Variants in CLEC11A observed in about 807,000 individuals in gnomAD.
The protein encoded by CLEC11A is C-type lectin domain containing 11A, also known as C-type lectin domain family 11 member A.
Under a neutral mutation model 33.9 loss-of-function variants are expected in CLEC11A, and 35 were observed. That is an observed-to-expected ratio of 1.03 (90% CI 0.79 to 1.37). CLEC11A has a LOEUF of 1.37. Ranked by LOEUF, CLEC11A falls within the 40% of genes most tolerant of loss-of-function variation. The pLI, the probability that CLEC11A is intolerant of heterozygous loss-of-function variation, is 0.00. For synonymous variants in CLEC11A, 220 were observed against 202.2 expected, an observed-to-expected ratio of 1.09 and a Z score of -0.75; for missense variants, 519 against 455.5, an observed-to-expected ratio of 1.14 and a Z score of -1.27.
Position 50,724,829 on chromosome 19 carries a change from C to A in CLEC11A, c.527-193C>A, listed in dbSNP as rs1352978451. On this transcript the variant is annotated intron_variant, in intron 3 of 3. Transcript: ENST00000250340. The surrounding 1 kb of genome is among the most constrained non-coding windows in gnomAD (Gnocchi z 4.1). ...ACCACGCCCCCTACAGTCCAGCTCCCACCGCCTGGCCCCGCCCCTGGCGGA... is the reference window on the plus strand; with the variant it reads ...ACCACGCCCCCTACAGTCCAGCTCCAACCGCCTGGCCCCGCCCCTGGCGGA... 7.3e-7 allele frequency: 1 copy of A among 1,370,278 alleles called. No individual in the cohort carries two copies. Among genetic ancestry groups the A allele is most frequent in the African/African-American group, 1.5e-5 (1 of 65,042 alleles). 84.9% of individuals were successfully genotyped at this position (1,370,278 alleles called of 1,614,324 possible). A position where few individuals can be genotyped will look rare whatever the true frequency, so the allele number is the denominator to read the frequency against.
rs749269383 is a variant in CLEC11A, at chr19:50,724,404, C to A, written c.335-6C>A. ...CCCCTCCAGCATGATCCCTGTCTGT[C>A]CGCAGTGGGCCGCCTGGCCGGCCTG... is the stretch of plus-strand genomic sequence containing the variant. On this transcript the variant is annotated splice_polypyrimidine_tract_variant and splice_region_variant and intron_variant, in intron 2 of 3. Transcript: ENST00000250340. The surrounding 1 kb of genome is among the most constrained non-coding windows in gnomAD (Gnocchi z 4.1). 1 of 1,498,468 alleles carries A rather than the reference C, an allele frequency of 6.7e-7. No homozygotes were observed. The highest frequency in any genetic ancestry group is 8.8e-7 in the Non-Finnish European group (1 of 1,131,506). 92.8% of individuals were successfully genotyped at this position (1,498,468 alleles called of 1,614,324 possible). A position where few individuals can be genotyped will look rare whatever the true frequency, so the allele number is the denominator to read the frequency against.
rs531164070 is a variant in CLEC11A at position 50,724,977 on chromosome 19, T to G, written c.527-45T>G. 13 of 1,423,020 alleles carry G rather than the reference T, an allele frequency of 9.1e-6. No homozygotes were observed. The African/African-American group carries it at 1.7e-4, about 19-fold the overall frequency. The allele number at this position is 1,423,020 out of a possible 1,614,324, so 88.1% of individuals were successfully genotyped here. A position where few individuals can be genotyped will look rare whatever the true frequency, so the allele number is the denominator to read the frequency against. The stretch of plus-strand genomic sequence containing the variant: ...TTTGTCCTCGCCCCCTTCCAGACTC[T>G]GAATGCATGACCCCGCCTCCTTCTC... On this transcript the variant is annotated intron_variant, in intron 3 of 3. Transcript: ENST00000250340. This position sits in a 1 kb window ranked among gnomAD's most constrained non-coding sequence, Gnocchi z 4.1.
At position 50,723,602 on chromosome 19, in the gene CLEC11A, A is replaced by G; in HGVS notation, c.77A>G (p.Glu26Gly). 1 of 1,611,340 alleles carries G rather than the reference A, an allele frequency of 6.2e-7. No individual in the cohort carries two copies. The highest frequency in any genetic ancestry group is 8.5e-7 in the Non-Finnish European group (1 of 1,179,602). Residue 26 changes from glutamate (E) to glycine (G), a missense_variant, in exon 1 of 4, where the codon GAG becomes GGG. Transcript: ENST00000250340. The surrounding 1 kb of genome is among the most constrained non-coding windows in gnomAD (Gnocchi z 4.1). The part of the protein sequence containing the change: ...LGFGHGARGA[E>G]REWEGGWGGA... ...TTTGGCCATGGGGCTCGGGGAGCAG[A>G]GAGGGAGTGGGAGGGAGGCTGGGGA...
rs773438732 is a variant in CLEC11A, at chr19:50,723,585, T to C, written c.60T>C (p.His20=). The C allele has an allele frequency of 6.2e-6, 10 of 1,611,850 alleles. No individual in the cohort carries two copies. Among genetic ancestry groups the C allele is most frequent in the Middle Eastern group, 2.1e-4 (1 of 4,734 alleles). ...TCCCCCAGCTCTTGGGCTTTGGCCA[T>C]GGGGCTCGGGGAGCAGAGAGGGAGT... ...LVVPQLLGFG[H]GARGAEREWE... The change falls in exon 1 of 4, where the codon CAT becomes CAC. Residue 20 remains histidine, a synonymous_variant. Coordinates refer to ENST00000250340, the MANE Select transcript of CLEC11A (RefSeq NM_002975.3). The surrounding 1 kb of genome is among the most constrained non-coding windows in gnomAD (Gnocchi z 4.1).
Position 50,724,421 on chromosome 19 carries a change from G to C in CLEC11A, c.346G>C (p.Ala116Pro), listed in dbSNP as rs759050864. The change falls in exon 3 of 4, where the codon GCC becomes CCC. Residue 116 changes from alanine (A) to proline (P), a missense_variant. Ala to Pro is a conservative substitution (Grantham distance 27). Coordinates refer to ENST00000250340, the MANE Select transcript of CLEC11A (RefSeq NM_002975.3). The surrounding 1 kb of genome is among the most constrained non-coding windows in gnomAD (Gnocchi z 4.1). ...CTGTCTGTCCGCAGTGGGCCGCCTG[G>C]CCGGCCTGGACGCAGGCCTGCACCA... ...DIVTYILGRL[A>P]GLDAGLHQLH... 43 of 1,513,410 alleles carry C rather than the reference G, an allele frequency of 2.8e-5. No homozygotes were observed. The highest frequency in any genetic ancestry group is 3.7e-5 in the Non-Finnish European group (42 of 1,138,290). 93.7% of individuals were successfully genotyped at this position (1,513,410 alleles called of 1,614,324 possible).
Position 50,725,405 on chromosome 19 carries a change from G to C in CLEC11A, c.910G>C (p.Gly304Arg), listed in dbSNP as rs1022686428. Residue 304 changes from glycine to arginine, a missense_variant, in exon 4 of 4, where the codon GGC (glycine) becomes CGC (arginine). Coordinates refer to ENST00000250340, the MANE Select transcript of CLEC11A (RefSeq NM_002975.3). ...CTGCGTGGCGCAGGCCTCTGACGAC[G>C]GCTCCTGGTGGGACCACGACTGCCA... The part of the protein sequence containing the change: ...ENCVAQASDD[G>R]SWWDHDCQRR... 1 of 1,611,536 alleles carries C rather than the reference G, an allele frequency of 6.2e-7. No homozygotes were observed. The highest frequency in any genetic ancestry group is 1.1e-5 in the South Asian group (1 of 90,832).
chr19:50,724,233 G>A lies in CLEC11A; in HGVS notation c.334+142G>A. 7.1e-7 allele frequency: 1 copy of A among 1,415,988 alleles called. No individual in the cohort carries two copies. Among genetic ancestry groups the A allele is most frequent in the East Asian group, 2.3e-5 (1 of 42,558 alleles). The allele number at this position is 1,415,988 out of a possible 1,614,324, so 87.7% of individuals were successfully genotyped here. On this transcript the variant is annotated intron_variant, in intron 2 of 3. Coordinates refer to ENST00000250340, the MANE Select transcript of CLEC11A (RefSeq NM_002975.3). The surrounding 1 kb of genome is among the most constrained non-coding windows in gnomAD (Gnocchi z 4.1). ...GCCCCCACACCCCTAGGAGCCCCAG[G>A]TCCACGGCCATGCCTCCTAAAGGCC... is the stretch of plus-strand genomic sequence containing the variant.
In CLEC11A at chr19:50,724,103, GAAGCCC is replaced by G. The variant is rs773173758; in HGVS notation, c.334+13_334+18del. The G allele has an allele frequency of 1.2e-6, 2 of 1,610,122 alleles. No homozygotes were observed. The highest frequency in any genetic ancestry group is 8.5e-7 in the Non-Finnish European group (1 of 1,178,516). On this transcript the variant is annotated intron_variant, in intron 2 of 3. Coordinates refer to ENST00000250340, the MANE Select transcript of CLEC11A (RefSeq NM_002975.3). This position sits in a 1 kb window ranked among gnomAD's most constrained non-coding sequence, Gnocchi z 4.1. ...CGTCACTTACATCCGTGAGTAACCA[GAAGCCC>G]TCACCCCCAAACTCCTAGGCCGCCG...
chr19:50,724,047 G>T lies in CLEC11A; in HGVS notation c.290G>T (p.Gly97Val). 1 of 1,612,414 alleles carries T rather than the reference G, an allele frequency of 6.2e-7. No individual in the cohort carries two copies. The highest frequency in any genetic ancestry group is 8.5e-7 in the Non-Finnish European group (1 of 1,178,652). Residue 97 changes from glycine to valine, a missense_variant, in exon 2 of 4, where the codon GGC becomes GTC. Transcript: ENST00000250340. The surrounding 1 kb of genome is among the most constrained non-coding windows in gnomAD (Gnocchi z 4.1). ...EEEATPTPSS[G>V]PSPSPTPEDI... ...GAAGCAACGCCAACCCCATCCTCCG[G>T]CCCCAGCCCCTCTCCCACCCCTGAG...
chr19:50,723,369 C>A lies in CLEC11A; in HGVS notation c.-157C>A, dbSNP rs547551984. ...AGGAGACCAACGGACCGGACAGAGACGAGGAGAGGAACAGGAAGAGAGAAG... is the reference window on the plus strand; with the variant it reads ...AGGAGACCAACGGACCGGACAGAGAAGAGGAGAGGAACAGGAAGAGAGAAG... On this transcript the variant is annotated 5_prime_UTR_variant, in exon 1 of 4. Transcript: ENST00000250340. This position sits in a 1 kb window ranked among gnomAD's most constrained non-coding sequence, Gnocchi z 4.1. 2 of 730,192 alleles carry A rather than the reference C, an allele frequency of 2.7e-6. No individual in the cohort carries two copies. Among genetic ancestry groups the A allele is most frequent in the African/African-American group, 1.8e-5 (1 of 56,416 alleles). The allele number at this position is 730,192 out of a possible 1,614,324, so 45.2% of individuals were successfully genotyped here. A position where few individuals can be genotyped will look rare whatever the true frequency, so the allele number is the denominator to read the frequency against.
Position 50,724,189 on chromosome 19 carries a change from G to A in CLEC11A, c.334+98G>A, listed in dbSNP as rs1377390959. On this transcript the variant is annotated intron_variant, in intron 2 of 3. Transcript: ENST00000250340. This position sits in a 1 kb window ranked among gnomAD's most constrained non-coding sequence, Gnocchi z 4.1. ...TTCACTGCCAAGTGGCCTTTCAGTT[G>A]TCCATTGCCCAGCCCAGAGCCCCCA... 5 of 1,578,520 alleles carry A rather than the reference G, an allele frequency of 3.2e-6. No homozygotes were observed. Among genetic ancestry groups the A allele is most frequent in the Middle Eastern group, 3.5e-4 (2 of 5,740 alleles).
rs765309150 is a variant in CLEC11A at position 50,723,850 on chromosome 19, G to A, written c.148-55G>A. On this transcript the variant is annotated intron_variant, in intron 1 of 3. Transcript: ENST00000250340. The surrounding 1 kb of genome is among the most constrained non-coding windows in gnomAD (Gnocchi z 4.1). ...AGAATGAGTTATGAGTTGGAAAGGG[G>A]TGAATGGGGCATCTTGGTGGCAGGC... 3.2e-6 allele frequency: 5 copies of A among 1,574,260 alleles called. No individual in the cohort carries two copies. Among genetic ancestry groups the A allele is most frequent in the African/African-American group, 1.4e-5 (1 of 73,224 alleles).
chr19:50,723,444 G>A lies in CLEC11A; in HGVS notation c.-82G>A. 4 of 1,477,632 alleles carry A rather than the reference G, an allele frequency of 2.7e-6. No homozygotes were observed. Among genetic ancestry groups the A allele is most frequent in the East Asian group, 2.3e-5 (1 of 44,140 alleles). The allele number at this position is 1,477,632 out of a possible 1,614,324, so 91.5% of individuals were successfully genotyped here. A position where few individuals can be genotyped will look rare whatever the true frequency, so the allele number is the denominator to read the frequency against. On this transcript the variant is annotated 5_prime_UTR_variant, in exon 1 of 4. Transcript: ENST00000250340. This position sits in a 1 kb window ranked among gnomAD's most constrained non-coding sequence, Gnocchi z 4.1. ...CTAGTGACCTGCACACAGGGCAGGG[G>A]CACTCGGCAGTTCCCAGAGGCCACC...
In CLEC11A at chr19:50,725,651, C is replaced by T; in HGVS notation, c.*184C>T. ...GGCACTCCTCCTTGTTAGTGTCTTT[C>T]CTTGAAGGGGCGGGCACCAGGCTAG... On this transcript the variant is annotated 3_prime_UTR_variant, in exon 4 of 4. Coordinates refer to ENST00000250340, the MANE Select transcript of CLEC11A (RefSeq NM_002975.3). 8.9e-7 allele frequency: 1 copy of T among 1,125,712 alleles called. No individual in the cohort carries two copies. Among genetic ancestry groups the T allele is most frequent in the Non-Finnish European group, 1.2e-6 (1 of 818,456 alleles). 69.7% of individuals were successfully genotyped at this position (1,125,712 alleles called of 1,614,324 possible). A position where few individuals can be genotyped will look rare whatever the true frequency, so the allele number is the denominator to read the frequency against.
chr19:50,723,558 G>A lies in CLEC11A; in HGVS notation c.33G>A (p.Val11=), dbSNP rs372775130. MQAAWLLGAL[V]VPQLLGFGHG... ...CAGCCTGGCTTTTGGGGGCTTTGGT[G>A]GTCCCCCAGCTCTTGGGCTTTGGCC... The change falls in exon 1 of 4, where the codon GTG becomes GTA. Residue 11 remains valine (V), a synonymous_variant. Transcript: ENST00000250340. This position sits in a 1 kb window ranked among gnomAD's most constrained non-coding sequence, Gnocchi z 4.1. The A allele has an allele frequency of 4.3e-6, 7 of 1,612,482 alleles. No homozygotes were observed. Among genetic ancestry groups the A allele is most frequent in the East Asian group, 4.5e-5 (2 of 44,880 alleles).
Position 50,724,984 on chromosome 19 carries a change from A to G in CLEC11A, c.527-38A>G, listed in dbSNP as rs1012174312. On this transcript the variant is annotated intron_variant, in intron 3 of 3. Coordinates refer to ENST00000250340, the MANE Select transcript of CLEC11A (RefSeq NM_002975.3). This position sits in a 1 kb window ranked among gnomAD's most constrained non-coding sequence, Gnocchi z 4.1. Reference sequence around the variant, plus strand: ...TCGCCCCCTTCCAGACTCTGAATGCATGACCCCGCCTCCTTCTCTACCCGG... The same window carrying G: ...TCGCCCCCTTCCAGACTCTGAATGCGTGACCCCGCCTCCTTCTCTACCCGG... The G allele has an allele frequency of 3.5e-6, 5 of 1,411,802 alleles. No homozygotes were observed. The highest frequency in any genetic ancestry group is 4.6e-6 in the Non-Finnish European group (5 of 1,086,790). The allele number at this position is 1,411,802 out of a possible 1,614,324, so 87.5% of individuals were successfully genotyped here.
Position 50,723,487 on chromosome 19 carries a change from C to T in CLEC11A, c.-39C>T. 6.2e-7 allele frequency: 1 copy of T among 1,610,792 alleles called. No individual in the cohort carries two copies. ...AGGCCACCCCTCCCACCCCAGACAT[C>T]CAGACATCTGGAACTTTGGGTGCCA... On this transcript the variant is annotated 5_prime_UTR_variant, in exon 1 of 4. Coordinates refer to ENST00000250340, the MANE Select transcript of CLEC11A (RefSeq NM_002975.3). This position sits in a 1 kb window ranked among gnomAD's most constrained non-coding sequence, Gnocchi z 4.1.
Position 50,724,178 on chromosome 19 carries a change from G to A in CLEC11A, c.334+87G>A. On this transcript the variant is annotated intron_variant, in intron 2 of 3. Coordinates refer to ENST00000250340, the MANE Select transcript of CLEC11A (RefSeq NM_002975.3). The surrounding 1 kb of genome is among the most constrained non-coding windows in gnomAD (Gnocchi z 4.1). ...TGAAGGGTCGGTTCACTGCCAAGTG[G>A]CCTTTCAGTTGTCCATTGCCCAGCC... 6.3e-7 allele frequency: 1 copy of A among 1,592,012 alleles called. No homozygotes were observed. The highest frequency in any genetic ancestry group is 8.5e-7 in the Non-Finnish European group (1 of 1,171,150).
chr19:50,723,773 G>A lies in CLEC11A; in HGVS notation c.147+101G>A. On this transcript the variant is annotated intron_variant, in intron 1 of 3. Coordinates refer to ENST00000250340, the MANE Select transcript of CLEC11A (RefSeq NM_002975.3). The surrounding 1 kb of genome is among the most constrained non-coding windows in gnomAD (Gnocchi z 4.1). ...TGGACAATGAGGAGCGATTGGGATA[G>A]TCTCAGAGGAGTGGGAGGGTGATGG... 1.3e-6 allele frequency: 2 copies of A among 1,529,830 alleles called. No individual in the cohort carries two copies. The highest frequency in any genetic ancestry group is 1.3e-5 in the South Asian group (1 of 77,420). 94.8% of individuals were successfully genotyped at this position (1,529,830 alleles called of 1,614,324 possible). A position where few individuals can be genotyped will look rare whatever the true frequency, so the allele number is the denominator to read the frequency against.
Sources: gnomAD v4.1 joint callset for allele counts on GRCh38, gnomAD v4.1.1 for gene constraint, Gnocchi (gnomAD v3.1) non-coding constraint, MANE v1.5 for transcripts, NCBI Gene and HGNC (gene_info 2026-07-23, HGNC 2026-07-21) for gene names.